Variants in CCDC171 observed in about 807,000 individuals in gnomAD.
CCDC171 encodes coiled-coil domain containing 171.
A neutral mutation model predicts 168.2 loss-of-function variants in CCDC171; 177 were observed. That is an observed-to-expected ratio of 1.05 (90% CI 0.93 to 1.19). The LOEUF (loss-of-function observed/expected upper bound fraction) is 1.19, where lower values mean the gene tolerates loss of function less well. Among genes scored for constraint, CCDC171 ranks in the 50% most tolerant of loss-of-function variants. CCDC171 has a pLI of 0.00. For missense variants in CCDC171, 1,991 were observed against 1,539.0 expected (o/e 1.29, Z -4.91); for synonymous variants, 687 against 540.8 (o/e 1.27, Z -3.75).
chr9:16,058,812 G>T (rs1028208659), intron 1 of CCDC171, among the ~76,000 whole-genome samples: 2 of 152,178 alleles, frequency 1.3e-5, no homozygotes, highest in African/African-American at 4.8e-5. Flanking sequence ...AATGAGAAAC[G>T]TAAATTCCTC....
At chr9:15,578,322 C>T (rs2040837013) in intron 3 of CCDC171, among the ~76,000 whole-genome samples, 1 of 150,524 alleles carries the variant, frequency 6.6e-6, no homozygotes, top group Non-Finnish European at 1.5e-5. Flanking sequence ...GCAACCTCTG[C>T]CTCCCAGGCT....
chr9:15,960,709 G>T (rs1830253893), intron 25 of CCDC171, among the ~76,000 whole-genome samples: 2 of 152,148 alleles, frequency 1.3e-5, no homozygotes, highest in South Asian at 4.1e-4. Flanking sequence ...AGTGCTTGTT[G>T]TGATTTGAAG....
At chr9:15,737,598 G>T (rs374730512) in intron 16 of CCDC171, among the ~76,000 whole-genome samples, 1 of 152,064 alleles carries the variant, frequency 6.6e-6, no homozygotes, top group Non-Finnish European at 1.5e-5. Flanking sequence ...CCAGTCTTCC[G>T]ATAAAAAGAA....
the CCDC171 span, among the ~76,000 whole-genome samples, chr9:16,095,290 T>G: frequency 6.6e-6 from 1 of 152,118 alleles, no homozygotes; most frequent in African/African-American, 2.4e-5. Context: ...CATGGGCTGC[T>G]TTGCAGAACC....
chr9:15,808,955 C>T (rs1197117165), intron 21 of CCDC171, among the ~76,000 whole-genome samples: 2 of 152,180 alleles, frequency 1.3e-5, no homozygotes, highest in Non-Finnish European at 2.9e-5. Flanking sequence ...ATGGCACCTT[C>T]TTGCTGTGTC....
intron 24 of CCDC171, among the ~76,000 whole-genome samples, chr9:15,890,678 A>G (rs1057335936): frequency 8.5e-5 from 13 of 152,296 alleles, no homozygotes; most frequent in African/African-American, 3.1e-4. Context: ...GGCACCTGGG[A>G]ATCAATTTGT....
intron 24 of CCDC171, among the ~76,000 whole-genome samples, chr9:15,891,057 C>T (rs962694105): frequency 2.0e-5 from 3 of 152,156 alleles, no homozygotes; most frequent in Non-Finnish European, 1.5e-5. Flanking sequence ...AAGTAAACCA[C>T]AAACAAGTAC....
chr9:15,825,095 A>G (rs1026013885), intron 21 of CCDC171, among the ~76,000 whole-genome samples: 1 of 152,062 alleles, frequency 6.6e-6, no homozygotes, highest in Non-Finnish European at 1.5e-5. Context: ...TCAACTTCAA[A>G]TTTTCTTCTT....
At chr9:16,078,410 C>T in the CCDC171 span, among the ~76,000 whole-genome samples, 56 of 152,048 alleles carry the variant, frequency 3.7e-4, no homozygotes, top group Non-Finnish European at 1.5e-5. Flanking sequence ...GAAGTGAAAG[C>T]CACTGGCTGA....
At chr9:16,063,881 A>G (rs1211375865), downstream of CCDC171, among the ~76,000 whole-genome samples, 1 of 152,256 alleles carries the variant, frequency 6.6e-6, no homozygotes, top group Non-Finnish European at 1.5e-5. Context: ...GCAAGGGACC[A>G]AGATAGTGAA....
At chr9:15,948,176 T>C (rs1828665746) in intron 25 of CCDC171, among the ~76,000 whole-genome samples, 1 of 151,580 alleles carries the variant, frequency 6.6e-6, no homozygotes, top group African/African-American at 2.4e-5. Flanking sequence ...TATGGCTGCA[T>C]AGTATTCCAT....
At chr9:15,584,425 G>A (rs1014850523) in intron 4 of CCDC171, among the ~76,000 whole-genome samples, 9 of 152,204 alleles carry the variant, frequency 5.9e-5, no homozygotes, top group Non-Finnish European at 1.3e-4. Flanking sequence ...AGGGAAAACC[G>A]TATTTTTGTG....
chr9:15,812,015 C>T (rs1044797754), intron 21 of CCDC171, among the ~76,000 whole-genome samples: 3 of 152,022 alleles, frequency 2.0e-5, no homozygotes, highest in East Asian at 1.9e-4. Context: ...TGATCCTACA[C>T]GTCTAGGGGA....
intron 6 of CCDC171, among the ~76,000 whole-genome samples, chr9:15,602,347 G>A (rs1302421250): frequency 1.4e-5 from 2 of 145,348 alleles, no homozygotes; most frequent in African/African-American, 4.9e-5. Flanking sequence ...TGTTCTCTTT[G>A]TGTAGCTCTC....
At chr9:15,778,274 G>A (rs1406623845) in intron 19 of CCDC171, among the ~76,000 whole-genome samples, 2 of 129,662 alleles carry the variant, frequency 1.5e-5, no homozygotes, top group South Asian at 5.2e-4. Context: ...TCCGCAGTCT[G>A]CCGCAGTCTG....
intron 25 of CCDC171, among the ~76,000 whole-genome samples, chr9:15,930,076 G>T (rs1432096016): frequency 6.6e-6 from 1 of 151,720 alleles, no homozygotes; most frequent in Non-Finnish European, 1.5e-5. Flanking sequence ...TTGAGGTGAT[G>T]TCTTAGTCAT....
chr9:15,907,930 A>C (rs1020181349), intron 24 of CCDC171, among the ~76,000 whole-genome samples: 9 of 152,190 alleles, frequency 5.9e-5, no homozygotes, highest in African/African-American at 1.7e-4. Flanking sequence ...GCCATCAGAG[A>C]AATGCAAATC....
At chr9:15,595,430 A>G (rs551605162) in intron 6 of CCDC171, among the ~76,000 whole-genome samples, 2 of 152,284 alleles carry the variant, frequency 1.3e-5, no homozygotes, top group African/African-American at 4.8e-5. Context: ...TAGTTTGCTG[A>G]GAATGATGGT....
chr9:15,744,270 T>C lies in CCDC171; in HGVS notation c.2050-3T>C. 1.9e-6 allele frequency: 3 copies of C among 1,575,790 alleles called. No homozygotes were observed. The highest frequency in any genetic ancestry group is 2.6e-6 in the Non-Finnish European group (3 of 1,162,606). On this transcript the variant is annotated splice_polypyrimidine_tract_variant and splice_region_variant and intron_variant, in intron 16 of 25. Transcript: ENST00000380701. Reference sequence around the variant, plus strand: ...CAAATATATTTTTTGACTTCTTCCATAGAAATTTCAAGAAATTGCTGAAAA... The same window carrying C: ...CAAATATATTTTTTGACTTCTTCCACAGAAATTTCAAGAAATTGCTGAAAA...
Sources: gnomAD v4.1 joint callset for allele counts (sites outside exome capture counted in the v4.1 genomes callset) on GRCh38, gnomAD v4.1.1 for gene constraint, MANE v1.5 for transcripts, NCBI Gene and HGNC (gene_info 2026-07-23, HGNC 2026-07-21) for gene names.